Variants in OIT3 observed in about 807,000 individuals in gnomAD.
OIT3 encodes oncoprotein-induced transcript 3 protein.
In OIT3, 41 loss-of-function variants were observed where a neutral mutation model predicts 52.2. That is an observed-to-expected ratio of 0.79 (90% CI 0.61 to 1.02). The LOEUF (loss-of-function observed/expected upper bound fraction) is 1.02, where lower values mean the gene tolerates loss of function less well. OIT3 is among the 50% of genes least tolerant of loss of function. The pLI is 0.00. For missense variants in OIT3, 634 were observed against 715.5 expected (o/e 0.89, Z 1.30); for synonymous variants, 244 against 276.9 (o/e 0.88, Z 1.18).
chr10:72,913,733 G>A, intron 6 of OIT3: 1 of 572,862 alleles, frequency 1.7e-6, no homozygotes, highest in Non-Finnish European at 3.3e-6. Context: ...GAATGCATCA[G>A]TACCAGTGGT....
Position 72,906,674 on chromosome 10 carries a change from G to T in OIT3, c.623G>T (p.Cys208Phe). The T allele has an allele frequency of 6.2e-7, 1 of 1,611,294 alleles. No individual in the cohort carries two copies. Among genetic ancestry groups the T allele is most frequent in the Non-Finnish European group, 8.5e-7 (1 of 1,178,608 alleles). The change falls in exon 4 of 9, where the codon TGT becomes TTT. Residue 208 changes from cysteine (C) to phenylalanine (F), a missense_variant. Coordinates refer to ENST00000334011, the MANE Select transcript of OIT3 (RefSeq NM_152635.3). ...VNLKNSYRCE[C>F]GVGRVLRSDG... ...CTCAAAAACTCCTACCGCTGTGAGT[G>T]TGGGGTTGGCCGTGTGCTAAGAAGT...
rs76396885 is a variant in OIT3 at position 72,904,562 on chromosome 10, G to C, written c.545-2034G>C. Among the ~76,000 whole-genome samples the C allele has an allele frequency of 3.2e-3, 487 of 152,178 alleles. 4 individuals are homozygous for C. The highest frequency in any genetic ancestry group is 0.011 in the African/African-American group (460 of 41,536). ...AACATTTTGCATTTCTACAAGTTCTGTTTGTTTGTTTTCAGTTCTGCCTTG... is the reference window on the plus strand; with the variant it reads ...AACATTTTGCATTTCTACAAGTTCTCTTTGTTTGTTTTCAGTTCTGCCTTG... On this transcript the variant is annotated intron_variant, in intron 3 of 8. Transcript: ENST00000334011.
rs756638924 is a variant in OIT3, at chr10:72,913,361, G to T, written c.844G>T (p.Val282Phe). The change falls in exon 6 of 9, where the codon GTT (valine) becomes TTT (phenylalanine). Residue 282 changes from valine to phenylalanine, a missense_variant. Physicochemically the swap from Val to Phe is conservative, Grantham distance 50. Transcript: ENST00000334011. The stretch of plus-strand genomic sequence containing the variant: ...TGAAGTGAACATCCCCAGGGAGCTG[G>T]TTGGTGGCCTGGAGCTCTTCCTGAC... Reference protein sequence around the residue: ...AIEVNIPRELVGGLELFLTNT... With the variant: ...AIEVNIPRELFGGLELFLTNT... 3 of 1,613,726 alleles carry T rather than the reference G, an allele frequency of 1.9e-6. No homozygotes were observed. Among genetic ancestry groups the T allele is most frequent in the East Asian group, 2.2e-5 (1 of 44,870 alleles).
At position 72,925,115 on chromosome 10, in the gene OIT3, C is replaced by CAAAAAAAA. The variant is rs751143274; in HGVS notation, c.1367+484_1367+491dup. Among the ~76,000 whole-genome samples the CAAAAAAAA allele has an allele frequency of 5.3e-5, 2 of 38,016 alleles. 1 individual carries two copies. Among genetic ancestry groups the CAAAAAAAA allele is most frequent in the Non-Finnish European group, 1.3e-4 (2 of 15,274 alleles). 24.9% of individuals were successfully genotyped at this position (38,016 alleles called of 152,430 possible). A position where few individuals can be genotyped will look rare whatever the true frequency, so the allele number is the denominator to read the frequency against. On this transcript the variant is annotated intron_variant, in intron 7 of 8. Transcript: ENST00000334011. ...GACAAGAATGAAACTCCTAAAATCT[C>CAAAAAAAA]AAAAAAAAAAAAAAAAAAAAGGCTC... is the stretch of plus-strand genomic sequence containing the variant.
At chr10:72,909,724 G>A (rs1430273006) in intron 4 of OIT3, among the ~76,000 whole-genome samples, 1 of 152,022 alleles carries the variant, frequency 6.6e-6, no homozygotes, top group African/African-American at 2.4e-5. Flanking sequence ...AACCTCCCCA[G>A]TAGCTGGGAT....
At chr10:72,907,324 G>A (rs533769193) in intron 4 of OIT3, among the ~76,000 whole-genome samples, 1 of 152,062 alleles carries the variant, frequency 6.6e-6, no homozygotes, top group East Asian at 1.9e-4. Flanking sequence ...ATGTGCCCAC[G>A]AATCACTTAG....
chr10:72,912,404 G>A (rs1283693968), intron 5 of OIT3, among the ~76,000 whole-genome samples: 1 of 151,258 alleles, frequency 6.6e-6, no homozygotes, highest in East Asian at 1.9e-4. Context: ...CTGAGTAGCT[G>A]GGATTACAGG....
chr10:72,932,394 T>G lies in OIT3; in HGVS notation c.1508T>G (p.Leu503Trp). ...TGCCGGGTTCTTGTCTGTGGAGTGT[T>G]GGACGAGCGTTCCCGCTGTGCCCAG... ...LHCRVLVCGV[L>W]DERSRCAQGC... Residue 503 changes from leucine to tryptophan, a missense_variant, in exon 9 of 9, where the codon TTG (leucine) becomes TGG (tryptophan). Physicochemically the swap from Leu to Trp is moderately conservative, Grantham distance 61 (BLOSUM62 -2). Transcript: ENST00000334011. The G allele has an allele frequency of 6.2e-7, 1 of 1,614,218 alleles. No homozygotes were observed. The highest frequency in any genetic ancestry group is 8.5e-7 in the Non-Finnish European group (1 of 1,180,022).
At chr10:72,903,740 T>A (rs1264984569) in intron 3 of OIT3, among the ~76,000 whole-genome samples, 1 of 152,174 alleles carries the variant, frequency 6.6e-6, no homozygotes, top group Non-Finnish European at 1.5e-5. Flanking sequence ...ATAAAAATGA[T>A]ACCTTACCCA....
intron 3 of OIT3, among the ~76,000 whole-genome samples, chr10:72,902,123 G>T (rs1845939902): frequency 1.3e-5 from 2 of 152,186 alleles, no homozygotes; most frequent in African/African-American, 4.8e-5. Context: ...ATCCTGTGAA[G>T]CATGTTTCGG....
rs1845898144 is a variant in OIT3, at chr10:72,898,655, C to A, written c.62-9C>A. On this transcript the variant is annotated splice_polypyrimidine_tract_variant and intron_variant, in intron 1 of 8. Transcript: ENST00000334011. Reference sequence around the variant, plus strand: ...TCCAGGTACTCTGAGGTATCTTTTTCATTTCCAGCCCTAGATCCTTGTTCT... The same window carrying A: ...TCCAGGTACTCTGAGGTATCTTTTTAATTTCCAGCCCTAGATCCTTGTTCT... 2 of 1,590,204 alleles carry A rather than the reference C, an allele frequency of 1.3e-6. No individual in the cohort carries two copies. The highest frequency in any genetic ancestry group is 1.7e-4 in the Middle Eastern group (1 of 5,962).
At chr10:72,894,247 C>T (rs1244872075) in intron 1 of OIT3, among the ~76,000 whole-genome samples, 1 of 152,030 alleles carries the variant, frequency 6.6e-6, no homozygotes, top group Non-Finnish European at 1.5e-5. Flanking sequence ...ACTGAAAGCT[C>T]TGTTGCCATG....
intron 6 of OIT3, among the ~76,000 whole-genome samples, chr10:72,919,716 T>C (rs1403479652): frequency 6.6e-6 from 1 of 152,234 alleles, no homozygotes; most frequent in African/African-American, 2.4e-5. Context: ...CATATGGTTT[T>C]TGCCTTTAGT....
intron 3 of OIT3, among the ~76,000 whole-genome samples, chr10:72,901,423 T>A (rs1471410209): frequency 2.6e-5 from 4 of 152,144 alleles, no homozygotes; most frequent in Non-Finnish European, 4.4e-5. Context: ...AACCCCAAGA[T>A]TGAATATTAT....
At chr10:72,896,587 T>C (rs1408205414) in intron 1 of OIT3, among the ~76,000 whole-genome samples, 1 of 152,256 alleles carries the variant, frequency 6.6e-6, no homozygotes, top group Non-Finnish European at 1.5e-5. Flanking sequence ...CCATTAGCAG[T>C]GGGCTACACT....
rs1846089462 is a variant in OIT3, at chr10:72,918,070, CT to C, written c.951+4608del. On this transcript the variant is annotated intron_variant, in intron 6 of 8. Transcript: ENST00000334011. The stretch of plus-strand genomic sequence containing the variant: ...TCATCTTCCTCAGCAGCAAGTTTTA[CT>C]TTTTTCTGTGGAACCTTGCTACCAC... The C allele has an allele frequency of 1.2e-5, 13 of 1,116,988 alleles. No homozygotes were observed. In the Admixed American group the frequency reaches 2.0e-4, roughly 18 times the overall value. The allele number at this position is 1,116,988 out of a possible 1,614,324, so 69.2% of individuals were successfully genotyped here. A position where few individuals can be genotyped will look rare whatever the true frequency, so the allele number is the denominator to read the frequency against.
Position 72,924,575 on chromosome 10 carries a change from T to G in OIT3, c.1298T>G (p.Val433Gly), listed in dbSNP as rs1589530295. ...CACGTGAGCGGCTTGGAAAGCTTGGTGGAGAGCTGCTTTGCCACCCCCACC... is the reference window on the plus strand; with the variant it reads ...CACGTGAGCGGCTTGGAAAGCTTGGGGGAGAGCTGCTTTGCCACCCCCACC... ...VVHVSGLESLVESCFATPTSK... is the reference protein window; with the variant it reads ...VVHVSGLESLGESCFATPTSK... Residue 433 changes from valine (V) to glycine (G), a missense_variant, in exon 7 of 9, where the codon GTG becomes GGG. Val to Gly is a moderately radical substitution (Grantham distance 109). Coordinates refer to ENST00000334011, the MANE Select transcript of OIT3 (RefSeq NM_152635.3). The G allele has an allele frequency of 6.2e-7, 1 of 1,614,108 alleles. No homozygotes were observed. The highest frequency in any genetic ancestry group is 8.5e-7 in the Non-Finnish European group (1 of 1,180,014).
rs958074080 is a variant in OIT3 at position 72,901,639 on chromosome 10, G to A, written c.544+1155G>A. ...GTTTGTTTGTTTGTTTTTGAGACAG[G>A]ATCTTGCTCTGTCGCCCAGGCTGGA... On this transcript the variant is annotated intron_variant, in intron 3 of 8. Coordinates refer to ENST00000334011, the MANE Select transcript of OIT3 (RefSeq NM_152635.3). Among the ~76,000 whole-genome samples, 10 of 152,118 alleles carry A rather than the reference G, an allele frequency of 6.6e-5. No individual in the cohort carries two copies. The South Asian group carries it at 8.3e-4, about 13-fold the overall frequency.
intron 6 of OIT3, chr10:72,917,607 A>T: frequency 2.5e-6 from 2 of 788,328 alleles, no homozygotes; most frequent in Admixed American, 3.4e-5. Context: ...AAGATGGAAA[A>T]TTTTTAACAA....
Sources: allele counts gnomAD v4.1 joint callset (sites outside exome capture counted in the v4.1 genomes callset), GRCh38; gene constraint gnomAD v4.1.1; transcripts MANE v1.5; gene names NCBI Gene and HGNC (gene_info 2026-07-23, HGNC 2026-07-21).